Variants in NF2 observed in about 807,000 individuals in gnomAD.
NF2 encodes the protein NF2, moesin-ezrin-radixin like (MERLIN) tumor suppressor.
Under a neutral mutation model 83.7 loss-of-function variants are expected in NF2, and 8 were observed. The ratio of observed to expected loss-of-function variants is 0.10; its 90% CI spans 0.06 to 0.17. NF2 has a LOEUF of 0.17. Among genes scored for constraint, NF2 ranks in the 10% least tolerant of loss-of-function variants. NF2 has a pLI of 1.00. For synonymous variants in NF2, 266 were observed against 269.6 expected, an observed-to-expected ratio of 0.99 and a Z score of 0.13; for missense variants, 533 against 744.4, an observed-to-expected ratio of 0.72 and a Z score of 3.31.
intron 9 of NF2, among the ~76,000 whole-genome samples, chr22:29,667,277 G>A (rs906655191): frequency 1.1e-4 from 16 of 151,168 alleles, no homozygotes; most frequent in African/African-American, 3.9e-4. Flanking sequence ...TCACTCTGTT[G>A]CCCAGGCTGA....
intron 4 of NF2, among the ~76,000 whole-genome samples, chr22:29,651,899 T>TAAC (rs1199857718): frequency 6.6e-6 from 1 of 152,188 alleles, no homozygotes; most frequent in Non-Finnish European, 1.5e-5. Context: ...CAAATGCAAC[T>TAAC]AACAGGGCTT....
chr22:29,673,013 T>C (rs2066849344), intron 11 of NF2, among the ~76,000 whole-genome samples: 1 of 152,234 alleles, frequency 6.6e-6, no homozygotes, highest in Admixed American at 6.5e-5. Flanking sequence ...TTTCTCCACG[T>C]GAAGCATAAG....
Position 29,655,690 on chromosome 22 carries a change from A to G in NF2, c.599+14A>G, listed in dbSNP as rs776695678. 7.6e-6 allele frequency: 12 copies of G among 1,582,782 alleles called. No individual in the cohort carries two copies. The highest frequency in any genetic ancestry group is 5.5e-5 in the African/African-American group (4 of 72,546). On this transcript the variant is annotated intron_variant, in intron 6 of 15. Transcript: ENST00000338641. ...AGGCCGAGCCAGGTGAGGCCCATTC[A>G]TTGTTGGTTTACATTCCTTTATGGG...
At chr22:29,688,334 G>A (rs558830689) in intron 15 of NF2, among the ~76,000 whole-genome samples, 5 of 152,288 alleles carry the variant, frequency 3.3e-5, no homozygotes, top group African/African-American at 1.2e-4. Flanking sequence ...AGCTCTCCTC[G>A]GCACCGGATT....
chr22:29,634,722 CAA>C (rs1377532467), intron 1 of NF2, among the ~76,000 whole-genome samples: 13 of 152,156 alleles, frequency 8.5e-5, no homozygotes, highest in Admixed American at 4.6e-4. Flanking sequence ...AAAATAGAGA[CAA>C]GAGGATAATC....
chr22:29,661,484 G>T, intron 8 of NF2, 145 bp downstream of exon 8: 2 of 1,264,360 alleles, frequency 1.6e-6, no homozygotes, highest in South Asian at 1.2e-5. Context: ...GTTGATTTTC[G>T]AAGTCTTTAC....
chr22:29,642,115 G>A, intron 3 of NF2, 87 bp from the exon 4 acceptor site: 2 of 1,107,592 alleles, frequency 1.8e-6, no homozygotes, highest in South Asian at 1.3e-5. Flanking sequence ...GCCCTCATTA[G>A]AACGCCGTGA....
At chr22:29,678,815 A>G (rs2530676) in intron 14 of NF2, among the ~76,000 whole-genome samples, 46,126 of 152,220 alleles carry the variant, frequency 0.3, 7,363 homozygotes, top group Non-Finnish European at 0.36. Flanking sequence ...AGTGGGTGGC[A>G]CTGGGCAGGG....
chr22:29,615,495 C>T (rs2065060816), intron 1 of NF2, among the ~76,000 whole-genome samples: 2 of 152,068 alleles, frequency 1.3e-5, no homozygotes, highest in South Asian at 4.1e-4. Flanking sequence ...ATCACTTGAG[C>T]CTGGGAGAGG....
Position 29,686,279 on chromosome 22 carries a change from A to G in NF2, c.1737+4678A>G, listed in dbSNP as rs567521984. Among the ~76,000 whole-genome samples the G allele has an allele frequency of 7.6e-4, 116 of 152,334 alleles. 2 individuals are homozygous for G. The highest frequency in any genetic ancestry group is 2.7e-3 in the African/African-American group (114 of 41,578). On this transcript the variant is annotated intron_variant, in intron 15 of 15. Coordinates refer to ENST00000338641, the MANE Select transcript of NF2 (RefSeq NM_000268.4). Reference sequence around the variant, plus strand: ...GGGCCACACCGCCACATCTAGGTACACTGCTTGTGCTGGGCATATTCATTC... The same window carrying G: ...GGGCCACACCGCCACATCTAGGTACGCTGCTTGTGCTGGGCATATTCATTC...
At chr22:29,612,709 T>C (rs1240866208) in intron 1 of NF2, among the ~76,000 whole-genome samples, 2 of 152,198 alleles carry the variant, frequency 1.3e-5, no homozygotes, top group Non-Finnish European at 2.9e-5. Context: ...TCATGGATCA[T>C]AAGACATAAC....
At position 29,671,510 on chromosome 22, in the gene NF2, CAG is replaced by C. The variant is rs1185990289; in HGVS notation, c.1000-313_1000-312del. On this transcript the variant is annotated intron_variant, in intron 10 of 15. Transcript: ENST00000338641. ...CGCCACTGCACTCCAGCCTGGGTGA[CAG>C]AGCAAAACTCTGTCCCCTCCACCAA... Among the ~76,000 whole-genome samples, 5 of 152,250 alleles carry C rather than the reference CAG, an allele frequency of 3.3e-5. No homozygotes were observed. The East Asian group carries it at 9.7e-4, about 29-fold the overall frequency.
Position 29,674,409 on chromosome 22 carries a change from A to T in NF2, c.1341-427A>T, listed in dbSNP as rs547578049. 8.1e-4 allele frequency among the ~76,000 whole-genome samples: 124 copies of T among 152,276 alleles called. 1 individual carries two copies. Among genetic ancestry groups the T allele is most frequent in the Non-Finnish European group, 1.3e-4 (9 of 68,024 alleles). Reference sequence around the variant, plus strand: ...TGGGCACAAGGCCCACTGGTGTTTTATCCGGGGGCTGTGAAGACGCAGTTC... The same window carrying T: ...TGGGCACAAGGCCCACTGGTGTTTTTTCCGGGGGCTGTGAAGACGCAGTTC... On this transcript the variant is annotated intron_variant, in intron 12 of 15. Coordinates refer to ENST00000338641, the MANE Select transcript of NF2 (RefSeq NM_000268.4).
intron 4 of NF2, among the ~76,000 whole-genome samples, chr22:29,644,847 TTG>T (rs1237327920): frequency 1.3e-5 from 2 of 151,096 alleles, no homozygotes; most frequent in Non-Finnish European, 3.0e-5. Flanking sequence ...GGCAGGGAGG[TTG>T]CAGTGAGCCG....
At chr22:29,683,906 C>A in intron 15 of NF2, 1 of 1,040,536 alleles carries the variant, frequency 9.6e-7, no homozygotes, top group Non-Finnish European at 1.2e-6. Context: ...AAAATGACAT[C>A]CTGCCTCTAC....
At chr22:29,656,937 T>C (rs2066329715) in intron 6 of NF2, among the ~76,000 whole-genome samples, 1 of 148,928 alleles carries the variant, frequency 6.7e-6, no homozygotes, top group Admixed American at 6.9e-5. Flanking sequence ...TATGTTAGAA[T>C]TCCATTCCCT....
At chr22:29,621,314 A>G (rs552507863) in intron 1 of NF2, among the ~76,000 whole-genome samples, 1 of 152,324 alleles carries the variant, frequency 6.6e-6, no homozygotes, top group African/African-American at 2.4e-5. Context: ...ACCCCCTCAC[A>G]TGCCTCTGTT....
intron 1 of NF2, chr22:29,609,385 G>A (rs750585703): frequency 3.5e-5 from 20 of 568,004 alleles, no homozygotes; most frequent in Non-Finnish European, 6.1e-5. Flanking sequence ...GTGCAGAGGC[G>A]AAGCTAACAT....
chr22:29,694,820 C>G lies in NF2; in HGVS notation c.*18C>G. On this transcript the variant is annotated 3_prime_UTR_variant, in exon 16 of 16. Transcript: ENST00000338641. This position sits in a 1 kb window ranked among gnomAD's most constrained non-coding sequence, Gnocchi z 4.1. ...AGCTCTAGCAGGTGACCCAGCCACC[C>G]CAGGACCTGCCACTTCTCCTGCTAC... 1.2e-6 allele frequency: 2 copies of G among 1,610,572 alleles called. No homozygotes were observed. Among genetic ancestry groups the G allele is most frequent in the Non-Finnish European group, 1.7e-6 (2 of 1,178,474 alleles).
Sources: gnomAD v4.1 joint callset for allele counts (sites outside exome capture counted in the v4.1 genomes callset) on GRCh38, gnomAD v4.1.1 for gene constraint, Gnocchi (gnomAD v3.1) non-coding constraint, MANE v1.5 for transcripts, NCBI Gene and HGNC (gene_info 2026-07-23, HGNC 2026-07-21) for gene names.